Variants in PML observed in about 807,000 individuals in gnomAD.
The protein encoded by PML is PML nuclear body scaffold.
Under a neutral mutation model 65.2 loss-of-function variants are expected in PML, and 28 were observed. The ratio of observed to expected loss-of-function variants is 0.43; its 90% CI spans 0.32 to 0.59. The LOEUF is 0.59. PML is among the 20% of genes least tolerant of loss of function. The pLI is 0.08. For synonymous variants in PML, 500 were observed against 508.8 expected (o/e 0.98, Z 0.23); for missense variants, 1,021 against 1,203.4 (o/e 0.85, Z 2.24).
chr15:74,035,856 C>T lies in PML; in HGVS notation c.1710+1326C>T, dbSNP rs775134797. 6.2e-7 allele frequency: 1 copy of T among 1,613,754 alleles called. No individual in the cohort carries two copies. Among genetic ancestry groups the T allele is most frequent in the Non-Finnish European group, 8.5e-7 (1 of 1,179,942 alleles). Reference sequence around the variant, plus strand: ...CATGGAGGCCTCTCAAGTCCAAGTGCCTCTGGAAGCCTCTCCAATTACATT... The same window carrying T: ...CATGGAGGCCTCTCAAGTCCAAGTGTCTCTGGAAGCCTCTCCAATTACATT... On this transcript the variant is annotated intron_variant, in intron 7 of 8. Transcript: ENST00000268058. The surrounding 1 kb of genome is among the most constrained non-coding windows in gnomAD (Gnocchi z 4.1).
intron 6 of PML, 153 bp from the exon 7 acceptor site, chr15:74,034,325 C>CAAA: frequency 3.3e-6 from 3 of 896,354 alleles, no homozygotes; most frequent in Non-Finnish European, 5.6e-6. Context: ...AGCAGAGTCA[C>CAAA]ATTGGCACAC....
At chr15:74,018,946 C>A (rs893975571) in intron 2 of PML, among the ~76,000 whole-genome samples, 3 of 152,218 alleles carry the variant, frequency 2.0e-5, no homozygotes, top group Non-Finnish European at 4.4e-5. Flanking sequence ...GTGCCAAGCA[C>A]GCAGCAGGTA....
chr15:74,041,671 C>T (rs1345051369), intron 7 of PML: 1 of 152,262 alleles, frequency 6.6e-6, no homozygotes, highest in African/African-American at 2.4e-5. Context: ...CTACAAAAAC[C>T]CACCACATCT....
At chr15:74,023,957 G>T (rs2070961547) in intron 3 of PML, among the ~76,000 whole-genome samples, 1 of 152,162 alleles carries the variant, frequency 6.6e-6, no homozygotes, top group Non-Finnish European at 1.5e-5. Flanking sequence ...CGCTTGAGAG[G>T]TAAGGAGACA....
intron 6 of PML, 169 bp downstream of exon 6, chr15:74,033,583 A>G (rs1305720903): frequency 1.3e-6 from 1 of 773,998 alleles, no homozygotes; most frequent in Non-Finnish European, 2.2e-6. Flanking sequence ...GAGAGTGGAC[A>G]CAGTTTACCA....
rs374035935 is a variant in PML, at chr15:74,040,966, A to G, written c.1711-2023A>G. ...TAAATGACCCTGCTGTAACGATGGG[A>G]GGGGTGGCCTAAAGAGACAGTACTG... On this transcript the variant is annotated intron_variant, in intron 7 of 8. Coordinates refer to ENST00000268058, the MANE Select transcript of PML (RefSeq NM_033238.3). 5.4e-4 allele frequency among the ~76,000 whole-genome samples: 82 copies of G among 152,212 alleles called. 1 individual carries two copies. The highest frequency in any genetic ancestry group is 4.6e-3 in the East Asian group (24 of 5,172).
rs1595924625 is a variant in PML at position 74,046,632 on chromosome 15, T to C, written c.*1624T>C. 1 of 232,796 alleles carries C rather than the reference T, an allele frequency of 4.3e-6. No homozygotes were observed. The highest frequency in any genetic ancestry group is 6.0e-5 in the East Asian group (1 of 16,546). The allele number at this position is 232,796 out of a possible 1,614,324, so 14.4% of individuals were successfully genotyped here. A position where few individuals can be genotyped will look rare whatever the true frequency, so the allele number is the denominator to read the frequency against. The stretch of plus-strand genomic sequence containing the variant: ...GTTCTGAAGCACCGATGGAAACAGA[T>C]TGATGCAGATGGAAGGAGGAAGGGA... On this transcript the variant is annotated 3_prime_UTR_variant, in exon 9 of 9. Coordinates refer to ENST00000268058, the MANE Select transcript of PML (RefSeq NM_033238.3).
chr15:74,046,895 G>A lies in PML; in HGVS notation c.*1887G>A, dbSNP rs2071776628. On this transcript the variant is annotated 3_prime_UTR_variant, in exon 9 of 9. Transcript: ENST00000268058. Reference sequence around the variant, plus strand: ...GTGGCCACTTGCCCAGCACAACTGTGTTTTGTGGGGCGTCTTTTAGGACTT... The same window carrying A: ...GTGGCCACTTGCCCAGCACAACTGTATTTTGTGGGGCGTCTTTTAGGACTT... 8.7e-6 allele frequency: 2 copies of A among 230,694 alleles called. No individual in the cohort carries two copies. Among genetic ancestry groups the A allele is most frequent in the Middle Eastern group, 1.3e-3 (1 of 778 alleles). The allele number at this position is 230,694 out of a possible 1,614,324, so 14.3% of individuals were successfully genotyped here.
In PML at chr15:73,998,466, A is replaced by G. The variant is rs1320170444; in HGVS notation, c.592A>G (p.Thr198Ala). ...CTCCAACCCCAACCACCGCACCCCT[A>G]CGCTGACCAGGTGAGTAGGCCGGCA... ...FCSNPNHRTP[T>A]LTSIYCRGCS... Residue 198 changes from threonine to alanine, a missense_variant, in exon 2 of 9, where the codon ACG (threonine) becomes GCG (alanine). Transcript: ENST00000268058. The G allele has an allele frequency of 6.2e-7, 1 of 1,613,700 alleles. No homozygotes were observed. Among genetic ancestry groups the G allele is most frequent in the African/African-American group, 1.3e-5 (1 of 74,910 alleles).
At chr15:74,022,191 A>G (rs1344477150) in intron 2 of PML, among the ~76,000 whole-genome samples, 2 of 152,190 alleles carry the variant, frequency 1.3e-5, no homozygotes, top group African/African-American at 4.8e-5. Flanking sequence ...TCCCGACCTC[A>G]GGTGATCCTC....
At chr15:73,998,611 A>G in intron 2 of PML, 135 bp downstream of exon 2, 1 of 745,024 alleles carries the variant, frequency 1.3e-6, no homozygotes, top group Non-Finnish European at 2.2e-6. Flanking sequence ...TGGTCTGCAG[A>G]TATGCAGTGT....
chr15:74,026,700 G>C (rs2071093445), intron 4 of PML: 1 of 152,102 alleles, frequency 6.6e-6, no homozygotes, highest in African/African-American at 2.4e-5. Flanking sequence ...ACCCAGGCTG[G>C]AGTGCAGTGA....
rs1366336954 is a variant in PML at position 74,037,082 on chromosome 15, A to C, written c.1710+2552A>C. 5 of 985,218 alleles carry C rather than the reference A, an allele frequency of 5.1e-6. No homozygotes were observed. The African/African-American group carries it at 8.7e-5, about 17-fold the overall frequency. 61.0% of individuals were successfully genotyped at this position (985,218 alleles called of 1,614,324 possible). A position where few individuals can be genotyped will look rare whatever the true frequency, so the allele number is the denominator to read the frequency against. On this transcript the variant is annotated intron_variant, in intron 7 of 8. Coordinates refer to ENST00000268058, the MANE Select transcript of PML (RefSeq NM_033238.3). This position sits in a 1 kb window ranked among gnomAD's most constrained non-coding sequence, Gnocchi z 4.2. ...CCTGGAGACCGAGATCTGCAGGAGA[A>C]AGGCCTGGGAAAACTATGAGTGGTT...
chr15:74,030,303 C>G (rs1168836142), intron 4 of PML, among the ~76,000 whole-genome samples: 1 of 152,130 alleles, frequency 6.6e-6, no homozygotes, highest in African/African-American at 2.4e-5. Flanking sequence ...AAAGACTCAT[C>G]AAGTAAAGAA....
chr15:73,995,713 T>TGTTG (rs1369943011), intron 1 of PML, among the ~76,000 whole-genome samples: 1 of 151,652 alleles, frequency 6.6e-6, no homozygotes, highest in Non-Finnish European at 1.5e-5. Context: ...TTGGTTTTTT[T>TGTTG]TTGTTGTTGT....
rs751333398 is a variant in PML at position 74,043,696 on chromosome 15, G to C, written c.1862-525G>C. 7 of 531,352 alleles carry C rather than the reference G, an allele frequency of 1.3e-5. No individual in the cohort carries two copies. The highest frequency in any genetic ancestry group is 9.8e-5 in the South Asian group (7 of 71,586). 32.9% of individuals were successfully genotyped at this position (531,352 alleles called of 1,614,324 possible). On this transcript the variant is annotated intron_variant, in intron 8 of 8. Transcript: ENST00000268058. This position sits in a 1 kb window ranked among gnomAD's most constrained non-coding sequence, Gnocchi z 4.3. ...CCTGTGGCATGGACTCAACATTGGGGCTAGCCCAGCCAGACAGAAACAGCA... is the reference window on the plus strand; with the variant it reads ...CCTGTGGCATGGACTCAACATTGGGCCTAGCCCAGCCAGACAGAAACAGCA...
At position 74,035,168 on chromosome 15, in the gene PML, A is replaced by C. The variant is rs2071488754; in HGVS notation, c.1710+638A>C. On this transcript the variant is annotated intron_variant, in intron 7 of 8. Coordinates refer to ENST00000268058, the MANE Select transcript of PML (RefSeq NM_033238.3). The surrounding 1 kb of genome is among the most constrained non-coding windows in gnomAD (Gnocchi z 4.1). ...CCCTCAGTCTGAGGTTCTGTATTGGAAAGTGCATGGAGCCCATGGAGACCG... is the reference window on the plus strand; with the variant it reads ...CCCTCAGTCTGAGGTTCTGTATTGGCAAGTGCATGGAGCCCATGGAGACCG... The C allele has an allele frequency of 1.6e-6, 2 of 1,249,358 alleles. No homozygotes were observed. The highest frequency in any genetic ancestry group is 1.7e-5 in the Admixed American group (1 of 59,538). The allele number at this position is 1,249,358 out of a possible 1,614,324, so 77.4% of individuals were successfully genotyped here. A position where few individuals can be genotyped will look rare whatever the true frequency, so the allele number is the denominator to read the frequency against.
At chr15:74,025,047 G>A in intron 4 of PML, 120 bp downstream of exon 4, 1 of 736,232 alleles carries the variant, frequency 1.4e-6, no homozygotes, top group Non-Finnish European at 2.5e-6. Context: ...GCAAGTGGCT[G>A]GACTGGAAAT....
At chr15:73,995,420 A>G (rs2069433914) in intron 1 of PML, among the ~76,000 whole-genome samples, 2 of 152,214 alleles carry the variant, frequency 1.3e-5, no homozygotes, top group South Asian at 4.1e-4. Context: ...ATCTTTGCCA[A>G]GGCCTCCCAG....
Sources: gnomAD v4.1 joint callset for allele counts (sites outside exome capture counted in the v4.1 genomes callset) on GRCh38, gnomAD v4.1.1 for gene constraint, Gnocchi (gnomAD v3.1) non-coding constraint, MANE v1.5 for transcripts, NCBI Gene and HGNC (gene_info 2026-07-23, HGNC 2026-07-21) for gene names.